Variants in SPDYE5 observed in about 807,000 individuals in gnomAD.
SPDYE5 encodes the protein speedy/RINGO cell cycle regulator family member E5.
A neutral mutation model predicts 48.5 loss-of-function variants in SPDYE5; 15 were observed. The observed-to-expected ratio is 0.31, with a 90% CI of 0.21 to 0.48. SPDYE5 has a LOEUF of 0.48. SPDYE5 is among the 20% of genes least tolerant of loss of function. The probability of loss-of-function intolerance (pLI) is 0.99; values close to 1 mark genes in which losing one functional copy is unlikely to be tolerated. For synonymous variants in SPDYE5, 116 were observed against 200.7 expected, an observed-to-expected ratio of 0.58 and a Z score of 3.57; for missense variants, 331 against 549.1, an observed-to-expected ratio of 0.60 and a Z score of 3.97.
In SPDYE5 at chr7:75,501,425, G is replaced by A. The variant is rs1554483418; in HGVS notation, c.819G>A (p.Leu273=). 4 of 1,612,918 alleles carry A rather than the reference G, an allele frequency of 2.5e-6. No homozygotes were observed. Among genetic ancestry groups the A allele is most frequent in the South Asian group, 1.1e-5 (1 of 91,024 alleles). The change falls in exon 7 of 9, where the codon CTG becomes CTA. Residue 273 remains leucine (L), a synonymous_variant. Transcript: ENST00000625065. ...CCAAACAAAACATCTTCCACTTCCTGTATGGGAAGAACCGCTCTCGCATAC... is the reference window on the plus strand; with the variant it reads ...CCAAACAAAACATCTTCCACTTCCTATATGGGAAGAACCGCTCTCGCATAC... ...EDSKQNIFHF[L]YGKNRSRIPL...
Position 75,503,047 on chromosome 7 carries a change from G to T in SPDYE5, c.*260G>T. 2.0e-6 allele frequency: 1 copy of T among 491,498 alleles called. No individual in the cohort carries two copies. Among genetic ancestry groups the T allele is most frequent in the South Asian group, 1.5e-5 (1 of 68,114 alleles). The allele number at this position is 491,498 out of a possible 1,614,324, so 30.4% of individuals were successfully genotyped here. Reference sequence around the variant, plus strand: ...TCCTTCTAGGAGTCCTTGGAGAAAAGTAAGAAACCAGGAGTGTTTCCAGTT... The same window carrying T: ...TCCTTCTAGGAGTCCTTGGAGAAAATTAAGAAACCAGGAGTGTTTCCAGTT... On this transcript the variant is annotated 3_prime_UTR_variant, in exon 9 of 9. Transcript: ENST00000625065.
chr7:75,491,702 A>ATT (rs782071463), upstream of SPDYE5, among the ~76,000 whole-genome samples: 95 of 70,926 alleles, frequency 1.3e-3, 6 homozygotes, highest in Non-Finnish European at 1.7e-3. Context: ...CTGTTTAGCC[A>ATT]TTTTTTTTTT....
intron 1 of SPDYE5, among the ~76,000 whole-genome samples, chr7:75,493,276 T>C (rs3973279): frequency 2.6e-5 from 4 of 151,698 alleles, no homozygotes; most frequent in Non-Finnish European, 4.4e-5. Context: ...TTCCCTGAAA[T>C]TGGGGACACC....
In SPDYE5 at chr7:75,504,048, A is replaced by G. The variant is rs1793241182; in HGVS notation, c.*1261A>G. On this transcript the variant is annotated 3_prime_UTR_variant, in exon 9 of 9. Transcript: ENST00000625065. ...AGCATGGTTTTTATCTGTGATACTT[A>G]GTTAACATATATATTACATTTATAG... 1 of 152,060 alleles carries G rather than the reference A, an allele frequency of 6.6e-6. No individual in the cohort carries two copies. The highest frequency in any genetic ancestry group is 6.6e-5 in the Admixed American group (1 of 15,256). 9.4% of individuals were successfully genotyped at this position (152,060 alleles called of 1,614,324 possible).
intron 6 of SPDYE5, among the ~76,000 whole-genome samples, chr7:75,499,552 A>T (rs2116617708): frequency 6.6e-6 from 1 of 152,202 alleles, no homozygotes; most frequent in Non-Finnish European, 1.5e-5. Flanking sequence ...GGATCACCTG[A>T]GGTCAGCAGT....
At position 75,493,856 on chromosome 7, in the gene SPDYE5, G is replaced by C. The variant is rs1792824143; in HGVS notation, c.-192G>C. 6.9e-7 allele frequency: 1 copy of C among 1,439,826 alleles called. No homozygotes were observed. Among genetic ancestry groups the C allele is most frequent in the East Asian group, 2.5e-5 (1 of 40,020 alleles). 89.2% of individuals were successfully genotyped at this position (1,439,826 alleles called of 1,614,324 possible). On this transcript the variant is annotated 5_prime_UTR_variant, in exon 2 of 9. Transcript: ENST00000625065. ...AGTTACATGTGTTTTTTTTCAAACTGGTTGCCAGGTTGGCATGAGCGATGA... is the reference window on the plus strand; with the variant it reads ...AGTTACATGTGTTTTTTTTCAAACTCGTTGCCAGGTTGGCATGAGCGATGA...
chr7:75,496,576 G>A (rs1348975104), intron 3 of SPDYE5, 98 bp from the exon 4 acceptor site: 56 of 1,565,448 alleles, frequency 3.6e-5, no homozygotes, highest in Non-Finnish European at 4.7e-5. Context: ...AGCAGTCTGC[G>A]AGGCTGGGGA....
chr7:75,495,352 C>T lies in SPDYE5; in HGVS notation c.357C>T (p.His119=), dbSNP rs587597206. ...TGTCACCCATCCTCCCTGAGCACCA[C>T]AAGGGCTTCAACAGTCAGCTTGGTA... is the stretch of plus-strand genomic sequence containing the variant. ...QRVSPILPEH[H]KGFNSQLAPG... The change falls in exon 3 of 9, where the codon CAC becomes CAT. Residue 119 remains histidine, a synonymous_variant. Coordinates refer to ENST00000625065, the MANE Select transcript of SPDYE5 (RefSeq NM_001306141.4). 2.5e-6 allele frequency: 4 copies of T among 1,597,636 alleles called. No homozygotes were observed. In the African/African-American group the frequency reaches 5.3e-5, roughly 21 times the overall value.
Position 75,492,421 on chromosome 7 carries a change from C to T in SPDYE5, c.-442C>T, listed in dbSNP as rs1423476936. Among the ~76,000 whole-genome samples, 7 of 152,070 alleles carry T rather than the reference C, an allele frequency of 4.6e-5. No individual in the cohort carries two copies. The highest frequency in any genetic ancestry group is 1.4e-4 in the African/African-American group (6 of 41,392). On this transcript the variant is annotated 5_prime_UTR_variant, in exon 1 of 9. It adds an upstream start codon to the 5' untranslated region. Transcript: ENST00000625065. ...GGAAAGCAGCAGCCCATTAGGAAAA[C>T]GTGTGGGAACTCACTCGCAGGTTCT... is the stretch of plus-strand genomic sequence containing the variant.
rs587632760 is a variant in SPDYE5, at chr7:75,492,442, GTTCT to G, written c.-422+4_-422+7del. 2.2e-3 allele frequency among the ~76,000 whole-genome samples: 337 copies of G among 152,160 alleles called. 3 individuals carry two copies. Among genetic ancestry groups the G allele is most frequent in the African/African-American group, 7.6e-3 (315 of 41,500 alleles). On this transcript the variant is annotated splice_donor_variant and splice_donor_5th_base_variant and intron_variant, in intron 1 of 8. Transcript: ENST00000625065. LOFTEE classifies it low-confidence loss of function (5UTR_SPLICE). ...AAAACGTGTGGGAACTCACTCGCAG[GTTCT>G]TTATTTTTTTTGAGATGGAGTTTTG...
intron 6 of SPDYE5, among the ~76,000 whole-genome samples, chr7:75,500,650 C>T (rs1226214050): frequency 4.6e-5 from 7 of 151,866 alleles, no homozygotes; most frequent in Non-Finnish European, 8.8e-5. Flanking sequence ...CCTCCCACCT[C>T]AGCTTCTTTA....
At chr7:75,499,569 C>T (rs1793065429) in intron 6 of SPDYE5, among the ~76,000 whole-genome samples, 2 of 152,140 alleles carry the variant, frequency 1.3e-5, no homozygotes, top group Admixed American at 6.5e-5. Context: ...CAGTTCGAGA[C>T]CAGCCTGGCC....
At chr7:75,497,333 TGA>T (rs1792970777) in intron 4 of SPDYE5, among the ~76,000 whole-genome samples, 1 of 151,324 alleles carries the variant, frequency 6.6e-6, no homozygotes, top group South Asian at 2.1e-4. Flanking sequence ...CTCGGGAGGC[TGA>T]GACAGGAGAA....
chr7:75,491,771 G>C (rs1792743916), upstream of SPDYE5, among the ~76,000 whole-genome samples: 1 of 127,008 alleles, frequency 7.9e-6, no homozygotes, highest in Non-Finnish European at 1.6e-5. Context: ...GGAGTGCAGT[G>C]ATGCAATCTC....
upstream of SPDYE5, among the ~76,000 whole-genome samples, chr7:75,491,801 C>G (rs1459029161): frequency 6.9e-6 from 1 of 144,156 alleles, no homozygotes; most frequent in East Asian, 2.2e-4. Context: ...CAACCTCTGC[C>G]TTCCAGGTTC....
In SPDYE5 at chr7:75,501,185, C is replaced by G. The variant is rs587748180; in HGVS notation, c.756-177C>G. Among the ~76,000 whole-genome samples, 864 of 152,130 alleles carry G rather than the reference C, an allele frequency of 5.7e-3. 14 individuals carry two copies. Among genetic ancestry groups the G allele is most frequent in the Admixed American group, 0.035 (534 of 15,278 alleles). ...GTCTCCATCCTGAAGGAGTGGGAGACGCCCTTGATCAGGTCTCTGTCCAGC... is the reference window on the plus strand; with the variant it reads ...GTCTCCATCCTGAAGGAGTGGGAGAGGCCCTTGATCAGGTCTCTGTCCAGC... On this transcript the variant is annotated intron_variant, in intron 6 of 8. Coordinates refer to ENST00000625065, the MANE Select transcript of SPDYE5 (RefSeq NM_001306141.4).
At chr7:75,499,637 T>G (rs2116618040) in intron 6 of SPDYE5, among the ~76,000 whole-genome samples, 1 of 151,212 alleles carries the variant, frequency 6.6e-6, no homozygotes, top group African/African-American at 2.4e-5. Flanking sequence ...CGTGGTGGTG[T>G]GCATCTGTAA....
chr7:75,495,038 T>G, intron 2 of SPDYE5, 118 bp from the exon 3 acceptor site: 2 of 1,525,518 alleles, frequency 1.3e-6, no homozygotes, highest in Non-Finnish European at 1.8e-6. Flanking sequence ...AAAGATGGCT[T>G]AGAGAAGCCA....
At chr7:75,492,568 G>A (rs1554481891) in intron 1 of SPDYE5, among the ~76,000 whole-genome samples, 127 bp downstream of exon 1, 1 of 151,710 alleles carries the variant, frequency 6.6e-6, no homozygotes, top group Non-Finnish European at 1.5e-5. Context: ...CTCCTGAGTA[G>A]CTGCGATTAC....
Sources: gnomAD v4.1 joint callset for allele counts (sites outside exome capture counted in the v4.1 genomes callset) on GRCh38, gnomAD v4.1.1 for gene constraint, MANE v1.5 for transcripts, NCBI Gene and HGNC (gene_info 2026-07-23, HGNC 2026-07-21) for gene names.